URGCP: variants seen among roughly 807,000 people sequenced by gnomAD.
URGCP encodes up-regulator of cell proliferation.
A neutral mutation model predicts 24.6 loss-of-function variants in URGCP; 13 were observed. The observed-to-expected ratio is 0.53, with a 90% CI of 0.34 to 0.84. The LOEUF is 0.84. Among genes scored for constraint, URGCP ranks in the 40% least tolerant of loss-of-function variants. The pLI is 0.01. For synonymous variants in URGCP, 444 were observed against 487.2 expected (o/e 0.91, Z 1.17); for missense variants, 899 against 1,194.3 (o/e 0.75, Z 3.64).
rs771101270 is a variant in URGCP at position 43,878,102 on chromosome 7, G to A, written c.1361C>T (p.Ala454Val). The A allele has an allele frequency of 1.9e-6, 3 of 1,614,256 alleles. No homozygotes were observed. Among genetic ancestry groups the A allele is most frequent in the South Asian group, 1.1e-5 (1 of 91,090 alleles). The change falls in exon 6 of 6, where the codon GCA becomes GTA. Residue 454 changes from alanine (A) to valine (V), a missense_variant. Physicochemically the swap from Ala to Val is moderately conservative, Grantham distance 64. Coordinates refer to ENST00000453200, the MANE Select transcript of URGCP (RefSeq NM_001077663.3). The surrounding 1 kb of genome is among the most constrained non-coding windows in gnomAD (Gnocchi z 5.6). ...RRVSVEDMAH[A>V]ARKLGLKVDE... Reference sequence around the variant, plus strand: ...GACCTTTAGGCCCAGTTTGCGGGCTGCGTGCGCCATGTCCTCCACAGATAC... The same window carrying A: ...GACCTTTAGGCCCAGTTTGCGGGCTACGTGCGCCATGTCCTCCACAGATAC...
intron 3 of URGCP, among the ~76,000 whole-genome samples, chr7:43,885,395 C>T (rs915203252): frequency 6.6e-6 from 1 of 152,186 alleles, no homozygotes. Flanking sequence ...GCCACTGCAC[C>T]TGGCCTGTAT....
At chr7:43,893,741 C>T (rs2095874379) in intron 1 of URGCP, among the ~76,000 whole-genome samples, 1 of 152,116 alleles carries the variant, frequency 6.6e-6, no homozygotes, top group East Asian at 1.9e-4. Context: ...TGTGATGGCA[C>T]ATGCCTGTAA....
chr7:43,878,080 C>A lies in URGCP; in HGVS notation c.1383G>T (p.Lys461Asn). Residue 461 changes from lysine to asparagine, a missense_variant, in exon 6 of 6, where the codon AAG (lysine) becomes AAT (asparagine). By Grantham distance (94) the Lys-to-Asn change is moderately conservative. Transcript: ENST00000453200. This position sits in a 1 kb window ranked among gnomAD's most constrained non-coding sequence, Gnocchi z 5.6. ...GACACTCCTCACAGTCCTCGTCGAC[C>A]TTTAGGCCCAGTTTGCGGGCTGCGT... ...MAHAARKLGL[K>N]VDEDCEECQK... 1.2e-6 allele frequency: 2 copies of A among 1,614,248 alleles called. No homozygotes were observed. Among genetic ancestry groups the A allele is most frequent in the Non-Finnish European group, 1.7e-6 (2 of 1,180,038 alleles).
intron 3 of URGCP, 94 bp from the exon 4 acceptor site, chr7:43,882,051 CA>C (rs1314607990): frequency 6.3e-7 from 1 of 1,584,892 alleles, no homozygotes; most frequent in African/African-American, 1.3e-5. Flanking sequence ...GTAACCCCAG[CA>C]CTTTAGGAGG....
chr7:43,894,578 T>C (rs963899869), intron 1 of URGCP, among the ~76,000 whole-genome samples: 3 of 151,998 alleles, frequency 2.0e-5, no homozygotes, highest in Admixed American at 1.3e-4. Flanking sequence ...CCGGCTGATG[T>C]CAAACTCCTG....
In URGCP at chr7:43,883,337, CAT is replaced by C. The variant is rs1215710880; in HGVS notation, c.113-1382_113-1381del. Among the ~76,000 whole-genome samples, 487 of 105,426 alleles carry C rather than the reference CAT, an allele frequency of 4.6e-3. 6 individuals are homozygous for C. Among genetic ancestry groups the C allele is most frequent in the East Asian group, 9.0e-3 (35 of 3,888 alleles). The allele number at this position is 105,426 out of a possible 152,430, so 69.2% of individuals were successfully genotyped here. A position where few individuals can be genotyped will look rare whatever the true frequency, so the allele number is the denominator to read the frequency against. ...ATATATATAAATATATATATATATA[CAT>C]ATATATATATATATATATATATATT... On this transcript the variant is annotated intron_variant, in intron 3 of 5. Coordinates refer to ENST00000453200, the MANE Select transcript of URGCP (RefSeq NM_001077663.3).
intron 1 of URGCP, among the ~76,000 whole-genome samples, chr7:43,890,035 G>A (rs1409290131): frequency 6.6e-6 from 1 of 151,674 alleles, no homozygotes; most frequent in Non-Finnish European, 1.5e-5. Flanking sequence ...CTCCCAAGTA[G>A]CTGGGATTAC....
upstream of URGCP, among the ~76,000 whole-genome samples, chr7:43,909,888 A>C (rs570062182): frequency 1.7e-3 from 260 of 150,240 alleles, no homozygotes; most frequent in African/African-American, 6.0e-3. Flanking sequence ...TACTAAAAAT[A>C]CAAAATTAGC....
chr7:43,880,455 T>C (rs2095852175), intron 5 of URGCP, among the ~76,000 whole-genome samples: 1 of 152,144 alleles, frequency 6.6e-6, no homozygotes, highest in East Asian at 1.9e-4. Flanking sequence ...AAATTTGTTG[T>C]TGTTTGAGGC....
At chr7:43,898,849 A>G (rs1270536740) in intron 1 of URGCP, among the ~76,000 whole-genome samples, 2 of 150,298 alleles carry the variant, frequency 1.3e-5, no homozygotes, top group East Asian at 3.9e-4. Context: ...AGTTAAAAAA[A>G]AAAAAGGCTG....
chr7:43,911,000 T>C (rs1207734070), upstream of URGCP: 2 of 151,656 alleles, frequency 1.3e-5, no homozygotes, highest in South Asian at 2.1e-4. Flanking sequence ...AGAGAAAAAA[T>C]ACAGACTTCT....
At position 43,914,768 on chromosome 7, in the gene URGCP, ATTATACTTTTCAGCTCCAGAAT is replaced by A. The variant is rs368034713; in HGVS notation, c.-116+11342_-116+11363del. On this transcript the variant is annotated intron_variant, in intron 1 of 5. Coordinates refer to the URGCP transcript ENST00000426198. The stretch of plus-strand genomic sequence containing the variant: ...CCCTCCAGTGCATTTTTTATTTGTT[ATTATACTTTTCAGCTCCAGAAT>A]TATTTTTCGGTTTCTTTGTAGGTTT... Among the ~76,000 whole-genome samples the A allele has an allele frequency of 6.5e-3, 982 of 152,170 alleles. 10 individuals carry two copies. The highest frequency in any genetic ancestry group is 0.021 in the African/African-American group (888 of 41,532).
At chr7:43,913,000 G>A (rs530787701) in intron 1 of URGCP, among the ~76,000 whole-genome samples, 5 of 152,006 alleles carry the variant, frequency 3.3e-5, no homozygotes, top group East Asian at 1.9e-4. Flanking sequence ...ACAGCCATGC[G>A]CCACCATGCC....
intron 1 of URGCP, among the ~76,000 whole-genome samples, chr7:43,925,315 T>C (rs534953766): frequency 1.3e-5 from 2 of 152,292 alleles, no homozygotes; most frequent in African/African-American, 4.8e-5. Context: ...GTGTCTTGGC[T>C]GGCTGGAGAC....
intron 1 of URGCP, among the ~76,000 whole-genome samples, chr7:43,914,012 T>C (rs7794259): frequency 0.39 from 59,138 of 151,532 alleles, 11,810 homozygotes; most frequent in South Asian, 0.59. Flanking sequence ...TTTATTTGTT[T>C]TTTTATAGAG....
chr7:43,900,112 T>C (rs2095887230), intron 1 of URGCP, among the ~76,000 whole-genome samples: 1 of 150,820 alleles, frequency 6.6e-6, no homozygotes. Context: ...GCCATTGCAC[T>C]CCAGCCTGGG....
rs1206412475 is a variant in URGCP, at chr7:43,877,492, C to T, written c.1971G>A (p.Gly657=). The change falls in exon 6 of 6, where the codon GGG becomes GGA. Residue 657 remains glycine, a synonymous_variant. Transcript: ENST00000453200. ...TCCCATCGATTAGCTCCAGAGGCAG[C>T]CCTGTCAGCAGCAGCTCCGAGGCCA... ...PGLASELLLT[G]LPLELIDGST... is the part of the protein sequence containing the mutation. The T allele has an allele frequency of 6.2e-7, 1 of 1,613,308 alleles. No individual in the cohort carries two copies. The highest frequency in any genetic ancestry group is 8.5e-7 in the Non-Finnish European group (1 of 1,180,016).
chr7:43,877,454 A>G lies in URGCP; in HGVS notation c.2009T>C (p.Met670Thr), dbSNP rs2095846616. The G allele has an allele frequency of 1.2e-6, 2 of 1,613,594 alleles. No individual in the cohort carries two copies. Among genetic ancestry groups the G allele is most frequent in the Non-Finnish European group, 1.7e-6 (2 of 1,180,038 alleles). Residue 670 changes from methionine to threonine, a missense_variant, in exon 6 of 6, where the codon ATG becomes ACG. Transcript: ENST00000453200. ...LELIDGSTLS[M>T]PVRWVTGLLK... The stretch of plus-strand genomic sequence containing the variant: ...GAGCCCTGTGACCCAGCGGACGGGC[A>G]TGCTCAGCGTGCTCCCATCGATTAG...
Position 43,886,405 on chromosome 7 carries a change from A to AT in URGCP, c.112+1009dup, listed in dbSNP as rs540110778. The stretch of plus-strand genomic sequence containing the variant: ...TTTTTTGGCAGTTAAAACATAGTTT[A>AT]TTTTTTTAGCACATTCATTTTAAGA... On this transcript the variant is annotated intron_variant, in intron 3 of 5. Transcript: ENST00000453200. Among the ~76,000 whole-genome samples, 357 of 151,908 alleles carry AT rather than the reference A, an allele frequency of 2.4e-3. 5 individuals are homozygous for AT. The highest frequency in any genetic ancestry group is 1.1e-3 in the Non-Finnish European group (73 of 67,968).
Sources: allele counts gnomAD v4.1 joint callset (sites outside exome capture counted in the v4.1 genomes callset), GRCh38; gene constraint gnomAD v4.1.1; non-coding constraint Gnocchi (gnomAD v3.1); transcripts MANE v1.5; gene names NCBI Gene and HGNC (gene_info 2026-07-23, HGNC 2026-07-21).